Variants in EPB41L4B observed in about 807,000 individuals in gnomAD.
The protein encoded by EPB41L4B is band 4.1-like protein 4B.
In EPB41L4B, 30 loss-of-function variants were observed where a neutral mutation model predicts 112.5. The observed-to-expected ratio is 0.27, with a 90% CI of 0.20 to 0.36. The LOEUF (loss-of-function observed/expected upper bound fraction) is 0.36, where lower values mean the gene tolerates loss of function less well. Ranked by LOEUF, EPB41L4B falls within the 10% of genes least tolerant of loss-of-function variation. EPB41L4B has a pLI of 1.00. For synonymous variants in EPB41L4B, 408 were observed against 439.7 expected (o/e 0.93, Z 0.90); for missense variants, 1,024 against 1,133.3 (o/e 0.90, Z 1.38).
At position 109,223,244 on chromosome 9, in the gene EPB41L4B, G is replaced by A. The variant is rs536172717; in HGVS notation, c.1410-6099C>T. The stretch of plus-strand genomic sequence containing the variant: ...TGCTTGGGCCTAGGAGTTCGAGACC[G>A]GGCAACATGGGGTGATCCCATTTCC... On this transcript the variant is annotated intron_variant, in intron 15 of 25. Transcript: ENST00000374566. 1.3e-4 allele frequency among the ~76,000 whole-genome samples: 20 copies of A among 151,998 alleles called. No homozygotes were observed. In the East Asian group the frequency reaches 2.7e-3, roughly 21 times the overall value.
intron 17 of EPB41L4B, among the ~76,000 whole-genome samples, chr9:109,212,809 A>C (rs954074696): frequency 6.6e-6 from 1 of 152,204 alleles, no homozygotes; most frequent in East Asian, 1.9e-4. Context: ...CAATGTCTGG[A>C]GACATTTTTG....
intron 15 of EPB41L4B, chr9:109,241,512 T>G: frequency 6.9e-7 from 1 of 1,458,884 alleles, no homozygotes. Flanking sequence ...TGGTTTTATC[T>G]TCAAATATTT....
intron 4 of EPB41L4B, among the ~76,000 whole-genome samples, chr9:109,266,775 C>T (rs1317896832): frequency 6.6e-6 from 1 of 152,020 alleles, no homozygotes; most frequent in Non-Finnish European, 1.5e-5. Flanking sequence ...TGAGACCAGC[C>T]TGGCTAACAC....
Position 109,182,679 on chromosome 9 carries a change from G to A in EPB41L4B, c.2487+50C>T, listed in dbSNP as rs547270362. 56 of 1,381,192 alleles carry A rather than the reference G, an allele frequency of 4.1e-5. No homozygotes were observed. In the South Asian group the frequency reaches 5.9e-4, roughly 15 times the overall value. 85.6% of individuals were successfully genotyped at this position (1,381,192 alleles called of 1,614,324 possible). A position where few individuals can be genotyped will look rare whatever the true frequency, so the allele number is the denominator to read the frequency against. On this transcript the variant is annotated intron_variant, in intron 24 of 25. Transcript: ENST00000374566. ...CTGGCATCCCGCAGAAAAGCACACC[G>A]CATGGGAACAAGGGTTTAAAATGCA...
intron 1 of EPB41L4B, among the ~76,000 whole-genome samples, chr9:109,286,165 GTGGATGGATGGA>G (rs1220345971): frequency 1.2e-4 from 13 of 112,020 alleles, no homozygotes; most frequent in Middle Eastern, 4.6e-3. Context: ...GGGTGGGTGG[GTGGATGGATGGA>G]TGGATGGATG....
chr9:109,204,582 C>T (rs1832934915), intron 18 of EPB41L4B, among the ~76,000 whole-genome samples: 1 of 152,136 alleles, frequency 6.6e-6, no homozygotes, highest in Non-Finnish European at 1.5e-5. Context: ...GCCTTGACTT[C>T]CTGGGCTCAA....
intron 15 of EPB41L4B, among the ~76,000 whole-genome samples, chr9:109,233,795 G>A (rs1834039558): frequency 6.6e-6 from 1 of 152,110 alleles, no homozygotes; most frequent in African/African-American, 2.4e-5. Context: ...GCCTCCCAAA[G>A]TGCTACGATT....
chr9:109,192,142 A>T (rs976005763), intron 22 of EPB41L4B, 136 bp downstream of exon 22: 29 of 716,846 alleles, frequency 4.0e-5, no homozygotes, highest in Non-Finnish European at 6.5e-5. Flanking sequence ...CCCCTGGATG[A>T]AAGCTGATCC....
chr9:109,312,419 C>G lies in EPB41L4B; in HGVS notation c.306+7722G>C, dbSNP rs1304675024. Among the ~76,000 whole-genome samples the G allele has an allele frequency of 2.6e-5, 4 of 152,138 alleles. No individual in the cohort carries two copies. The South Asian group carries it at 8.3e-4, about 32-fold the overall frequency. On this transcript the variant is annotated intron_variant, in intron 1 of 25. Transcript: ENST00000374566. Reference sequence around the variant, plus strand: ...AATGAGTCTAACTAAAGAAGTAAATCTGATCCCAAGTGGCCTACAAAGGTG... The same window carrying G: ...AATGAGTCTAACTAAAGAAGTAAATGTGATCCCAAGTGGCCTACAAAGGTG...
At chr9:109,268,960 T>C (rs1835512295) in intron 2 of EPB41L4B, among the ~76,000 whole-genome samples, 1 of 150,636 alleles carries the variant, frequency 6.6e-6, no homozygotes, top group Non-Finnish European at 1.5e-5. Context: ...GGGAGGGGAC[T>C]CCCTAGTTTC....
chr9:109,183,827 C>T (rs999209179), intron 23 of EPB41L4B, among the ~76,000 whole-genome samples: 1 of 152,228 alleles, frequency 6.6e-6, no homozygotes, highest in Non-Finnish European at 1.5e-5. Flanking sequence ...CTACTCAATG[C>T]TCTTCAGTGG....
At chr9:109,205,483 T>C (rs1181505263) in intron 18 of EPB41L4B, among the ~76,000 whole-genome samples, 2 of 152,236 alleles carry the variant, frequency 1.3e-5, no homozygotes, top group Non-Finnish European at 2.9e-5. Context: ...CTTTGTAAAT[T>C]GCAAAATATG....
Position 109,276,166 on chromosome 9 carries a change from C to T in EPB41L4B, c.411+3651G>A, listed in dbSNP as rs1217144760. On this transcript the variant is annotated intron_variant, in intron 2 of 25. Coordinates refer to ENST00000374566, the MANE Select transcript of EPB41L4B (RefSeq NM_019114.5). ...ATACGTGTGTGTATACACACACACA[C>T]ACACACACACACACACACACACACA... Among the ~76,000 whole-genome samples the T allele has an allele frequency of 1.0e-3, 4 of 3,960 alleles. No homozygotes were observed. The South Asian group carries it at 0.053, about 52-fold the overall frequency. The allele number at this position is 3,960 out of a possible 152,430, so 2.6% of individuals were successfully genotyped here. A position where few individuals can be genotyped will look rare whatever the true frequency, so the allele number is the denominator to read the frequency against.
intron 2 of EPB41L4B, among the ~76,000 whole-genome samples, chr9:109,273,529 G>A (rs1047210699): frequency 3.9e-5 from 6 of 152,208 alleles, no homozygotes; most frequent in Non-Finnish European, 7.3e-5. Context: ...TTACAGACGT[G>A]AGCCACCACA....
At chr9:109,238,159 A>T (rs1834216391) in intron 15 of EPB41L4B, among the ~76,000 whole-genome samples, 1 of 152,170 alleles carries the variant, frequency 6.6e-6, no homozygotes, top group Non-Finnish European at 1.5e-5. Context: ...CAGGAAATGA[A>T]GTGACACATG....
Position 109,194,285 on chromosome 9 carries a change from T to C in EPB41L4B, c.2158A>G (p.Lys720Glu). 1 of 1,614,134 alleles carries C rather than the reference T, an allele frequency of 6.2e-7. No individual in the cohort carries two copies. Among genetic ancestry groups the C allele is most frequent in the Non-Finnish European group, 8.5e-7 (1 of 1,180,038 alleles). ...TGAGGCGAGCTGACATTCTGGACCT[T>C]GGGGGACGGCAGCGGCACGGAGACT... ...TQVSVPLPSP[K>E]VQNVSSPHKS... Residue 720 changes from lysine to glutamate, a missense_variant, in exon 21 of 26, where the codon AAG becomes GAG. Transcript: ENST00000374566.
chr9:109,265,543 A>AGGCACACAG (rs11463592), intron 4 of EPB41L4B, among the ~76,000 whole-genome samples: 2 of 151,622 alleles, frequency 1.3e-5, no homozygotes, highest in Non-Finnish European at 2.9e-5. Context: ...AAACAGGCAC[A>AGGCACACAG]GCACACAAAC....
At chr9:109,203,589 G>A (rs537360637) in intron 19 of EPB41L4B, 74 bp downstream of exon 19, 148 of 1,223,398 alleles carry the variant, frequency 1.2e-4, no homozygotes, top group Non-Finnish European at 1.6e-4. Context: ...TAATGCCCTC[G>A]TGAGCAATGT....
At chr9:109,281,388 T>C (rs755180653) in intron 1 of EPB41L4B, among the ~76,000 whole-genome samples, 67 of 152,248 alleles carry the variant, frequency 4.4e-4, no homozygotes, top group Non-Finnish European at 9.4e-4. Context: ...TCAAATACTA[T>C]GTCACACTCA....
Sources: gnomAD v4.1 joint callset for allele counts (sites outside exome capture counted in the v4.1 genomes callset) on GRCh38, gnomAD v4.1.1 for gene constraint, MANE v1.5 for transcripts, NCBI Gene and HGNC (gene_info 2026-07-23, HGNC 2026-07-21) for gene names.